TERT: variants seen among roughly 807,000 people sequenced by gnomAD.
TERT encodes the protein telomerase catalytic subunit.
TERT carries 42 observed loss-of-function variants against 104.0 expected under a neutral mutation model. The observed-to-expected ratio is 0.40, with a 90% CI of 0.32 to 0.52. The LOEUF (loss-of-function observed/expected upper bound fraction) is 0.52, where lower values mean the gene tolerates loss of function less well. Ranked by LOEUF, TERT falls within the 20% of genes least tolerant of loss-of-function variation. The pLI is 0.43. For synonymous variants in TERT, 781 were observed against 725.6 expected (o/e 1.08, Z -1.23); for missense variants, 1,101 against 1,610.3 (o/e 0.68, Z 5.41).
At chr5:1,273,348 G>A (rs867352353) in intron 6 of TERT, among the ~76,000 whole-genome samples, 10 of 8,882 alleles carry the variant, frequency 1.1e-3, no homozygotes, top group African/African-American at 8.8e-3. Flanking sequence ...CAGACCCCAC[G>A]ACCGCCATCC....
rs372511089 is a variant in TERT at position 1,280,312 on chromosome 5, C to T, written c.1796G>A (p.Arg599Gln). The T allele has an allele frequency of 1.2e-6, 2 of 1,613,350 alleles. No homozygotes were observed. Among genetic ancestry groups the T allele is most frequent in the East Asian group, 2.2e-5 (1 of 44,894 alleles). ...IRQHLKRVQLRELSEAEVRQH... is the reference protein window; with the variant it reads ...IRQHLKRVQLQELSEAEVRQH... Reference sequence around the variant, plus strand: ...CCTGACCTCTGCTTCCGACAGCTCCCGCAGCTGCACCCTCTTCAAGTGCTG... The same window carrying T: ...CCTGACCTCTGCTTCCGACAGCTCCTGCAGCTGCACCCTCTTCAAGTGCTG... The change falls in exon 4 of 16, where the codon CGG becomes CAG. Residue 599 changes from arginine (R) to glutamine (Q), a missense_variant. By Grantham distance (43) the Arg-to-Gln change is conservative. This residue lies in a region of TERT where 463 missense variants were observed against 797.5 expected (regional missense o/e 0.58). Transcript: ENST00000310581.
chr5:1,293,364 G>C lies in TERT; in HGVS notation c.1522C>G (p.Leu508Val), dbSNP rs1259826430. 1.2e-6 allele frequency: 2 copies of C among 1,613,234 alleles called. No homozygotes were observed. Among genetic ancestry groups the C allele is most frequent in the Non-Finnish European group, 8.5e-7 (1 of 1,180,022 alleles). The change falls in exon 2 of 16, where the codon CTG (leucine) becomes GTG (valine). Residue 508 changes from leucine (L) to valine (V), a missense_variant. Physicochemically the swap from Leu to Val is conservative, Grantham distance 32 (BLOSUM62 1). Coordinates refer to ENST00000310581, the MANE Select transcript of TERT (RefSeq NM_198253.3). Reference protein sequence around the residue: ...GKHAKLSLQELTWKMSVRDCA... With the variant: ...GKHAKLSLQEVTWKMSVRDCA... ...TCCCGCACGCTCATCTTCCACGTCA[G>C]CTCCTGCAGCGAGAGCTTGGCATGC...
chr5:1,277,850 T>C (rs1361793798), intron 6 of TERT, among the ~76,000 whole-genome samples: 1 of 152,128 alleles, frequency 6.6e-6, no homozygotes, highest in Non-Finnish European at 1.5e-5. Context: ...CCAGGGATAC[T>C]TCTTCACCTC....
At chr5:1,277,830 G>T (rs1223637033) in intron 6 of TERT, among the ~76,000 whole-genome samples, 2 of 152,280 alleles carry the variant, frequency 1.3e-5, no homozygotes, top group East Asian at 1.9e-4. Context: ...CCTCTCCCCA[G>T]ACCGAAGCTC....
chr5:1,253,387 C>T lies in TERT; in HGVS notation c.*341G>A, dbSNP rs1747465607. The T allele has an allele frequency of 2.1e-6, 1 of 466,442 alleles. No individual in the cohort carries two copies. The highest frequency in any genetic ancestry group is 1.9e-5 in the African/African-American group (1 of 51,746). 28.9% of individuals were successfully genotyped at this position (466,442 alleles called of 1,614,324 possible). A position where few individuals can be genotyped will look rare whatever the true frequency, so the allele number is the denominator to read the frequency against. On this transcript the variant is annotated 3_prime_UTR_variant, in exon 16 of 16. Coordinates refer to ENST00000310581, the MANE Select transcript of TERT (RefSeq NM_198253.3). ...AAAGGAGGGCAGGGCGAGGGGTGAA[C>T]AATGGCGAATCTGGGGATGGACTAT...
At chr5:1,271,047 G>T in intron 8 of TERT, 72 bp downstream of exon 8, 2 of 1,227,418 alleles carry the variant, frequency 1.6e-6, no homozygotes, top group Admixed American at 1.8e-5. Context: ...AGGGGCAGGA[G>T]AGAGGTGAGC....
intron 2 of TERT, among the ~76,000 whole-genome samples, chr5:1,290,431 G>C (rs1750821978): frequency 1.8e-5 from 1 of 56,334 alleles, no homozygotes; most frequent in East Asian, 4.7e-4. Context: ...CGGGGACGGC[G>C]CCTCACTCAC....
chr5:1,271,477 C>T (rs2126615477), intron 7 of TERT, among the ~76,000 whole-genome samples: 1 of 152,328 alleles, frequency 6.6e-6, no homozygotes, highest in African/African-American at 2.4e-5. Context: ...GCCCGGATGG[C>T]ATATGTGATC....
At position 1,294,570 on chromosome 5, in the gene TERT, C is replaced by A. The variant is rs1751265277; in HGVS notation, c.316G>T (p.Gly106Trp). 2 of 1,586,394 alleles carry A rather than the reference C, an allele frequency of 1.3e-6. No individual in the cohort carries two copies. The highest frequency in any genetic ancestry group is 8.5e-7 in the Non-Finnish European group (1 of 1,174,162). ...VLAFGFALLDGARGGPPEAFT... is the reference protein window; with the variant it reads ...VLAFGFALLDWARGGPPEAFT... The stretch of plus-strand genomic sequence containing the variant: ...GCCTCGGGGGGGCCCCCGCGGGCCC[C>A]GTCCAGCAGCGCGAAGCCGAAGGCC... Residue 106 changes from glycine to tryptophan, a missense_variant, in exon 2 of 16, where the codon GGG (glycine) becomes TGG (tryptophan). Physicochemically the swap from Gly to Trp is radical, Grantham distance 184 (BLOSUM62 -2). Coordinates refer to ENST00000310581, the MANE Select transcript of TERT (RefSeq NM_198253.3).
chr5:1,268,547 T>C lies in TERT; in HGVS notation c.2555A>G (p.Lys852Arg), dbSNP rs749279645. ...GTCCCGCCGAATCCCCGCAAACAGCTTGTTCTCCATGTCGCCGTAGCACAG... is the reference window on the plus strand; with the variant it reads ...GTCCCGCCGAATCCCCGCAAACAGCCTGTTCTCCATGTCGCCGTAGCACAG... ...CSLCYGDMENKLFAGIRRDGL... is the reference protein window; with the variant it reads ...CSLCYGDMENRLFAGIRRDGL... Residue 852 changes from lysine (K) to arginine (R), a missense_variant, in exon 9 of 16, where the codon AAG (lysine) becomes AGG (arginine). Lys to Arg is a conservative substitution (Grantham distance 26). Coordinates refer to ENST00000310581, the MANE Select transcript of TERT (RefSeq NM_198253.3). This position sits in a 1 kb window ranked among gnomAD's most constrained non-coding sequence, Gnocchi z 5.5. The C allele has an allele frequency of 2.5e-6, 4 of 1,613,496 alleles. No homozygotes were observed. Among genetic ancestry groups the C allele is most frequent in the Admixed American group, 3.3e-5 (2 of 60,016 alleles).
chr5:1,260,397 C>T lies in TERT; in HGVS notation c.2970+77G>A, dbSNP rs762546896. 492 of 1,602,148 alleles carry T rather than the reference C, an allele frequency of 3.1e-4. 1 individual carries two copies. The highest frequency in any genetic ancestry group is 1.2e-3 in the Admixed American group (74 of 59,858). ...AGTCACCATCAGCCTTGCAGGCACG[C>T]GCGCACACACACACACACATACTTG... On this transcript the variant is annotated intron_variant, in intron 12 of 15. Coordinates refer to ENST00000310581, the MANE Select transcript of TERT (RefSeq NM_198253.3).
rs1579564797 is a variant in TERT, at chr5:1,272,182, G to T, written c.2382+3C>A. ...GCCCAACCCTGCAGGGCAGTGCCCA[G>T]ACCTGCTCGATGACGACGGCATCCC... On this transcript the variant is annotated splice_donor_region_variant and intron_variant, in intron 7 of 15. Transcript: ENST00000310581. The T allele has an allele frequency of 7.5e-6, 12 of 1,608,484 alleles. No homozygotes were observed. The highest frequency in any genetic ancestry group is 1.0e-5 in the Non-Finnish European group (12 of 1,177,922).
chr5:1,290,660 G>T (rs373608212), intron 2 of TERT, among the ~76,000 whole-genome samples: 46 of 31,310 alleles, frequency 1.5e-3, no homozygotes, highest in South Asian at 3.1e-3. Flanking sequence ...ACCCTACACG[G>T]GACAGGGACA....
At chr5:1,281,649 G>A (rs550611711) in intron 3 of TERT, among the ~76,000 whole-genome samples, 1 of 152,316 alleles carries the variant, frequency 6.6e-6, no homozygotes, top group South Asian at 2.1e-4. Flanking sequence ...CAGCCACCTA[G>A]AAGTTAGCTC....
rs3134643 is a variant in TERT at position 1,283,311 on chromosome 5, G to A, written c.1574-687C>T. 7.9e-4 allele frequency among the ~76,000 whole-genome samples: 95 copies of A among 120,782 alleles called. No homozygotes were observed. The East Asian group carries it at 0.011, about 14-fold the overall frequency. The allele number at this position is 120,782 out of a possible 152,430, so 79.2% of individuals were successfully genotyped here. On this transcript the variant is annotated intron_variant, in intron 2 of 15. Transcript: ENST00000310581. Reference sequence around the variant, plus strand: ...ACCTCACGCCAGACCTGCACCATCCGGATACAGCACATCCAGCTCACTGCA... The same window carrying A: ...ACCTCACGCCAGACCTGCACCATCCAGATACAGCACATCCAGCTCACTGCA...
intron 6 of TERT, 112 bp from the exon 7 acceptor site, chr5:1,272,392 G>C (rs1199433290): frequency 3.0e-6 from 3 of 1,001,716 alleles, no homozygotes; most frequent in East Asian, 5.2e-5. Flanking sequence ...CCGATGGCGG[G>C]ATGAAGCCCA....
chr5:1,287,506 AAAATATAT>A lies in TERT; in HGVS notation c.1574-4890_1574-4883del, dbSNP rs1476984319. Among the ~76,000 whole-genome samples, 2 of 130,200 alleles carry A rather than the reference AAAATATAT, an allele frequency of 1.5e-5. No homozygotes were observed. Among genetic ancestry groups the A allele is most frequent in the African/African-American group, 5.9e-5 (2 of 33,888 alleles). 85.4% of individuals were successfully genotyped at this position (130,200 alleles called of 152,430 possible). A position where few individuals can be genotyped will look rare whatever the true frequency, so the allele number is the denominator to read the frequency against. On this transcript the variant is annotated intron_variant, in intron 2 of 15. Coordinates refer to ENST00000310581, the MANE Select transcript of TERT (RefSeq NM_198253.3). This position sits in a 1 kb window ranked among gnomAD's most constrained non-coding sequence, Gnocchi z 4.3. ...GACCAAGACTCTGTCTCAAAAAAAA[AAAATATAT>A]ATATATATATATAAATTAAAGGCAG...
intron 2 of TERT, among the ~76,000 whole-genome samples, chr5:1,284,062 AGCT>A (rs1750279426): frequency 6.8e-6 from 1 of 146,900 alleles, no homozygotes; most frequent in African/African-American, 2.5e-5. Flanking sequence ...CAGCACATCC[AGCT>A]CACAGCAGGG....
rs144779807 is a variant in TERT at position 1,268,529 on chromosome 5, C to A, written c.2573G>T (p.Arg858Leu). Residue 858 changes from arginine to leucine, a missense_variant, in exon 9 of 16, where the codon CGG becomes CTG. Transcript: ENST00000310581. This position sits in a 1 kb window ranked among gnomAD's most constrained non-coding sequence, Gnocchi z 5.5. ...GAAGAGGAGGCCTCACCCGTCCCGC[C>A]GAATCCCCGCAAACAGCTTGTTCTC... Reference protein sequence around the residue: ...DMENKLFAGIRRDGLLLRLVD... With the variant: ...DMENKLFAGILRDGLLLRLVD... 1 of 1,613,444 alleles carries A rather than the reference C, an allele frequency of 6.2e-7. No individual in the cohort carries two copies. The highest frequency in any genetic ancestry group is 8.5e-7 in the Non-Finnish European group (1 of 1,179,954).
Sources: allele counts gnomAD v4.1 joint callset (sites outside exome capture counted in the v4.1 genomes callset), GRCh38; gene constraint gnomAD v4.1.1; regional missense constraint gnomAD v4.1.1; non-coding constraint Gnocchi (gnomAD v3.1); transcripts MANE v1.5; gene names NCBI Gene and HGNC (gene_info 2026-07-23, HGNC 2026-07-21).